SAMMSON: variants seen among roughly 807,000 people sequenced by gnomAD.
SAMMSON encodes long intergenic non-protein coding RNA 1212.
chr3:70,268,474 C>CAAAAAAA (rs66482424), intron 6 of SAMMSON, among the ~76,000 whole-genome samples: 1 of 96,588 alleles, frequency 1.0e-5, no homozygotes, highest in Non-Finnish European at 2.0e-5. Flanking sequence ...GACTCCGTCT[C>CAAAAAAA]AAAAAAAAAA....
At chr3:70,339,871 A>T (rs895210722) in intron 7 of SAMMSON, among the ~76,000 whole-genome samples, 1 of 152,196 alleles carries the variant, frequency 6.6e-6, no homozygotes, top group Non-Finnish European at 1.5e-5. Flanking sequence ...CTAGAACTGG[A>T]AATACCATTT....
In SAMMSON at chr3:70,053,553, C is replaced by G. The variant is rs200397025; in HGVS notation, n.418-17923C>G. 7.9e-5 allele frequency among the ~76,000 whole-genome samples: 12 copies of G among 152,252 alleles called. No individual in the cohort carries two copies. The East Asian group carries it at 1.9e-3, about 25-fold the overall frequency. On this transcript the variant is annotated intron_variant and non_coding_transcript_variant, in intron 3 of 9. Coordinates refer to ENST00000642114, the Ensembl canonical transcript of SAMMSON. ...GAGTCCCAAGCCATTCTGAGGTTTT[C>G]AACACACAAGGAGACTGACACGTGC...
chr3:70,242,243 C>T (rs902790351), intron 4 of SAMMSON, among the ~76,000 whole-genome samples: 2 of 152,148 alleles, frequency 1.3e-5, no homozygotes, highest in African/African-American at 4.8e-5. Flanking sequence ...CATATGCCTC[C>T]AATTAATCTC....
intron 4 of SAMMSON, among the ~76,000 whole-genome samples, chr3:70,198,162 A>T (rs921969531): frequency 6.6e-6 from 1 of 152,170 alleles, no homozygotes. Flanking sequence ...TAAAATCAGT[A>T]ATCTGAAGAT....
At chr3:70,029,165 C>T (rs1482952628) in intron 3 of SAMMSON, among the ~76,000 whole-genome samples, 2 of 152,198 alleles carry the variant, frequency 1.3e-5, no homozygotes, top group African/African-American at 4.8e-5. Flanking sequence ...TAAATAATTT[C>T]ATTGCCCAGT....
intron 9 of SAMMSON, among the ~76,000 whole-genome samples, chr3:70,384,967 C>T (rs1390267023): frequency 2.0e-5 from 3 of 151,976 alleles, no homozygotes; most frequent in Non-Finnish European, 4.4e-5. Context: ...TATTTTATTT[C>T]AGTTAATTTT....
At chr3:70,391,044 C>T (rs1190476903), downstream of SAMMSON, among the ~76,000 whole-genome samples, 10 of 152,036 alleles carry the variant, frequency 6.6e-5, no homozygotes, top group African/African-American at 9.7e-5. Context: ...ATGGCCAGAC[C>T]ATATGTTGGG....
chr3:70,400,626 T>G (rs1167658770), intron 2 of SAMMSON, among the ~76,000 whole-genome samples: 1 of 152,152 alleles, frequency 6.6e-6, no homozygotes, highest in Non-Finnish European at 1.5e-5. Context: ...CTCAGACATG[T>G]GGCAAGAATT....
chr3:70,413,226 C>T (rs1191420934), intron 2 of SAMMSON, among the ~76,000 whole-genome samples: 3 of 152,106 alleles, frequency 2.0e-5, no homozygotes, highest in Non-Finnish European at 4.4e-5. Context: ...AATTCTTTAG[C>T]CTTCTTTAGT....
intron 3 of SAMMSON, among the ~76,000 whole-genome samples, chr3:70,054,677 C>T (rs1035883655): frequency 6.6e-6 from 1 of 152,068 alleles, no homozygotes; most frequent in Non-Finnish European, 1.5e-5. Context: ...TTCAGCATTG[C>T]AAACTCTGTT....
chr3:70,028,150 CCTTCCTT>C (rs2067049532), intron 3 of SAMMSON, among the ~76,000 whole-genome samples: 4 of 42,202 alleles, frequency 9.5e-5, no homozygotes, highest in Non-Finnish European at 7.5e-5. Flanking sequence ...TTCTTTCCTT[CCTTCCTT>C]CCTTCCTTCC....
At chr3:70,114,108 G>A (rs1193688912) in intron 4 of SAMMSON, among the ~76,000 whole-genome samples, 3 of 152,172 alleles carry the variant, frequency 2.0e-5, no homozygotes, top group African/African-American at 4.8e-5. Flanking sequence ...TGGAGGCACC[G>A]ATTCATTCAT....
chr3:70,090,038 C>T (rs1042887900), intron 4 of SAMMSON, among the ~76,000 whole-genome samples: 1 of 152,104 alleles, frequency 6.6e-6, no homozygotes, highest in African/African-American at 2.4e-5. Flanking sequence ...TTCTTTCCTA[C>T]CCTTTTTTTC....
intron 4 of SAMMSON, among the ~76,000 whole-genome samples, chr3:70,238,870 A>G (rs1296181417): frequency 6.6e-6 from 1 of 152,122 alleles, no homozygotes; most frequent in Non-Finnish European, 1.5e-5. Context: ...AGGTTTAATT[A>G]ATTTTATATA....
In SAMMSON at chr3:70,161,573, T is replaced by G. The variant is rs116016893; in HGVS notation, n.508-87534T>G. ...ATGTTGAATTTGGTTTGCTAACATTTTGTTGAGGATTTTTGTATCTATATT... is the reference window on the plus strand; with the variant it reads ...ATGTTGAATTTGGTTTGCTAACATTGTGTTGAGGATTTTTGTATCTATATT... On this transcript the variant is annotated intron_variant and non_coding_transcript_variant, in intron 4 of 9. Transcript: ENST00000642114. 3.1e-3 allele frequency among the ~76,000 whole-genome samples: 471 copies of G among 152,102 alleles called. 1 individual carries two copies. Among genetic ancestry groups the G allele is most frequent in the Admixed American group, 6.0e-3 (91 of 15,240 alleles).
chr3:70,263,910 C>T (rs79449115), intron 6 of SAMMSON, among the ~76,000 whole-genome samples: 4,579 of 152,218 alleles, frequency 0.03, 173 homozygotes, highest in East Asian at 0.2. Flanking sequence ...TTGCTGTTGT[C>T]CAATATCTCA....
At chr3:70,235,401 T>C (rs925595234) in intron 4 of SAMMSON, among the ~76,000 whole-genome samples, 3 of 152,232 alleles carry the variant, frequency 2.0e-5, no homozygotes, top group East Asian at 1.9e-4. Flanking sequence ...TCCCTCACAA[T>C]TGGCTTCCGT....
chr3:70,360,931 A>G (rs180985804), intron 9 of SAMMSON, among the ~76,000 whole-genome samples: 2 of 152,284 alleles, frequency 1.3e-5, no homozygotes, highest in Admixed American at 1.3e-4. Flanking sequence ...AATAGCTATC[A>G]TGTTTTGCAT....
intron 3 of SAMMSON, among the ~76,000 whole-genome samples, chr3:70,059,764 A>G (rs1267717588): frequency 1.3e-5 from 2 of 152,054 alleles, no homozygotes; most frequent in Non-Finnish European, 2.9e-5. Flanking sequence ...CTTGACACAT[A>G]AAATTAACCC....
Sources: allele counts gnomAD v4.1 joint callset (sites outside exome capture counted in the v4.1 genomes callset), GRCh38; gene constraint gnomAD v4.1.1; transcripts MANE v1.5; gene names NCBI Gene and HGNC (gene_info 2026-07-23, HGNC 2026-07-21).